The following HMGCLL1 variants were observed in gnomAD, a reference collection of about 807,000 sequenced individuals.
HMGCLL1 encodes the protein 3-hydroxy-3-methylglutaryl-CoA lyase like 1, also known as 3-hydroxymethyl-3-methylglutaryl-CoA lyase, cytoplasmic.
A neutral mutation model predicts 39.1 loss-of-function variants in HMGCLL1; 36 were observed. That is an observed-to-expected ratio of 0.92 (90% CI 0.71 to 1.22). The LOEUF (loss-of-function observed/expected upper bound fraction) is 1.22. HMGCLL1 is among the 50% of genes most tolerant of loss of function. HMGCLL1 has a pLI of 0.00. For missense variants in HMGCLL1, 451 were observed against 416.5 expected (o/e 1.08, Z -0.72); for synonymous variants, 149 against 144.0 (o/e 1.03, Z -0.25).
chr6:55,497,147 G>T (rs55949694), intron 6 of HMGCLL1, among the ~76,000 whole-genome samples: 2 of 152,104 alleles, frequency 1.3e-5, no homozygotes, highest in African/African-American at 4.8e-5. Context: ...TTTTGACAAA[G>T]ACATGGGTTC....
At chr6:55,653,219 C>A in the HMGCLL1 span, among the ~76,000 whole-genome samples, 1 of 151,962 alleles carries the variant, frequency 6.6e-6, no homozygotes, top group Non-Finnish European at 1.5e-5. Flanking sequence ...GAAAAAAATT[C>A]TTAGCTACTA....
the HMGCLL1 span, among the ~76,000 whole-genome samples, chr6:55,658,942 A>T: frequency 6.6e-6 from 1 of 151,856 alleles, no homozygotes. Context: ...ATTTGTAAAG[A>T]TCATTCTGAC....
chr6:55,490,390 A>G (rs746165272), intron 7 of HMGCLL1, among the ~76,000 whole-genome samples: 7 of 152,194 alleles, frequency 4.6e-5, no homozygotes, highest in Non-Finnish European at 8.8e-5. Flanking sequence ...GATTAAAAAG[A>G]AAATCAACAA....
chr6:55,661,541 T>TG, the HMGCLL1 span, among the ~76,000 whole-genome samples: 1 of 152,006 alleles, frequency 6.6e-6, no homozygotes, highest in Non-Finnish European at 1.5e-5. Context: ...GACTTATTTC[T>TG]GGGCTCTCTA....
chr6:55,532,969 T>G (rs1768776474), intron 3 of HMGCLL1, among the ~76,000 whole-genome samples: 1 of 151,436 alleles, frequency 6.6e-6, no homozygotes, highest in African/African-American at 2.4e-5. Flanking sequence ...TTCTCCTATG[T>G]GGTAACAGTA....
the HMGCLL1 span, among the ~76,000 whole-genome samples, chr6:55,647,799 AG>A: frequency 1.3e-5 from 1 of 75,766 alleles, no homozygotes; most frequent in Non-Finnish European, 2.4e-5. Context: ...TCTAAGTTTT[AG>A]GGTACATGTG....
chr6:55,650,134 T>TATATATATATATATATATATATAC, the HMGCLL1 span, among the ~76,000 whole-genome samples: 1 of 53,326 alleles, frequency 1.9e-5, no homozygotes, highest in Non-Finnish European at 3.6e-5. Context: ...TATATATATA[T>TATATATATATATATATATATATAC]ACACACACAC....
chr6:55,638,812 A>G, the HMGCLL1 span, among the ~76,000 whole-genome samples: 2 of 152,218 alleles, frequency 1.3e-5, no homozygotes, highest in African/African-American at 4.8e-5. Context: ...TAAAAGAGAT[A>G]AATTAAATAG....
chr6:55,585,068 A>C, the HMGCLL1 span, among the ~76,000 whole-genome samples: 1,382 of 152,212 alleles, frequency 9.1e-3, 11 homozygotes, highest in Non-Finnish European at 0.014. Flanking sequence ...CAGAGTGTTT[A>C]AAAACATTCT....
At chr6:55,550,157 A>G (rs1309607024) in intron 1 of HMGCLL1, among the ~76,000 whole-genome samples, 1 of 152,020 alleles carries the variant, frequency 6.6e-6, no homozygotes, top group African/African-American at 2.4e-5. Flanking sequence ...AGGGGTTGAG[A>G]AAAATGTTAC....
At chr6:55,467,620 C>T (rs939396121) in intron 7 of HMGCLL1, among the ~76,000 whole-genome samples, 9 of 151,944 alleles carry the variant, frequency 5.9e-5, no homozygotes, top group Admixed American at 2.6e-4. Flanking sequence ...ACTATGGCAT[C>T]GAGTAATCAT....
chr6:55,645,697 G>A, the HMGCLL1 span, among the ~76,000 whole-genome samples: 88 of 151,874 alleles, frequency 5.8e-4, no homozygotes, highest in African/African-American at 1.9e-3. Flanking sequence ...TGATGATTCC[G>A]TTGATTGATT....
chr6:55,648,315 CA>C, the HMGCLL1 span, among the ~76,000 whole-genome samples: 54 of 150,848 alleles, frequency 3.6e-4, no homozygotes, highest in East Asian at 7.9e-4. Flanking sequence ...ACTAGAAAAG[CA>C]AGAGCAAACA....
intron 3 of HMGCLL1, among the ~76,000 whole-genome samples, chr6:55,534,854 T>A (rs539107054): frequency 6.6e-6 from 1 of 152,250 alleles, no homozygotes; most frequent in Non-Finnish European, 1.5e-5. Flanking sequence ...CTCAAGGATA[T>A]GTAGCAATTA....
At chr6:55,555,496 T>C (rs1026279610) in intron 1 of HMGCLL1, among the ~76,000 whole-genome samples, 1 of 152,210 alleles carries the variant, frequency 6.6e-6, no homozygotes, top group African/African-American at 2.4e-5. Context: ...TAAGAGCCCT[T>C]TGAGGGCGCT....
chr6:55,480,513 G>A (rs77208251), intron 7 of HMGCLL1, among the ~76,000 whole-genome samples: 3,568 of 151,702 alleles, frequency 0.024, 245 homozygotes, highest in African/African-American at 0.083. Context: ...TACGCTGTTG[G>A]TTAGAAATTG....
intron 7 of HMGCLL1, among the ~76,000 whole-genome samples, chr6:55,442,699 C>A (rs574248153): frequency 3.0e-4 from 46 of 152,256 alleles, no homozygotes; most frequent in African/African-American, 1.1e-3. Flanking sequence ...GCTTTCTTTC[C>A]ATTACCACAA....
rs1769621765 is a variant in HMGCLL1 at position 55,543,183 on chromosome 6, TATATA to T, written c.109-1048_109-1044del. Among the ~76,000 whole-genome samples the T allele has an allele frequency of 5.7e-4, 7 of 12,246 alleles. 1 individual carries two copies. Among genetic ancestry groups the T allele is most frequent in the African/African-American group, 1.4e-3 (7 of 5,118 alleles). 8.0% of individuals were successfully genotyped at this position (12,246 alleles called of 152,430 possible). A position where few individuals can be genotyped will look rare whatever the true frequency, so the allele number is the denominator to read the frequency against. ...TATATATATAATATATAATATATAA[TATATA>T]ATATATTATATATTATATATTATAT... On this transcript the variant is annotated intron_variant, in intron 1 of 8. Coordinates refer to ENST00000274901, the MANE Select transcript of HMGCLL1 (RefSeq NM_001042406.2).
Position 55,541,745 on chromosome 6 carries a change from G to C in HMGCLL1, c.281C>G (p.Ser94Cys). Residue 94 changes from serine (S) to cysteine (C), a missense_variant, in exon 3 of 9, where the codon TCC becomes TGC. Coordinates refer to ENST00000274901, the MANE Select transcript of HMGCLL1 (RefSeq NM_001042406.2). ...SVIEVTSFVS[S>C]RWVPQMADHT... Reference sequence around the variant, plus strand: ...TTTACATACCTGTGGTACCCATCTGGAAGACACAAAGCTAGTCACTTCTAT... The same window carrying C: ...TTTACATACCTGTGGTACCCATCTGCAAGACACAAAGCTAGTCACTTCTAT... 6.3e-7 allele frequency: 1 copy of C among 1,589,740 alleles called. No individual in the cohort carries two copies. The highest frequency in any genetic ancestry group is 8.6e-7 in the Non-Finnish European group (1 of 1,166,634).
Sources: allele counts gnomAD v4.1 joint callset (sites outside exome capture counted in the v4.1 genomes callset), GRCh38; gene constraint gnomAD v4.1.1; transcripts MANE v1.5; gene names NCBI Gene and HGNC (gene_info 2026-07-23, HGNC 2026-07-21).